Variants in PPFIA2 observed in about 807,000 individuals in gnomAD.
PPFIA2 encodes the protein liprin-alpha-2.
In PPFIA2, 46 loss-of-function variants were observed where a neutral mutation model predicts 175.5. The observed-to-expected ratio is 0.26, with a 90% confidence interval of 0.21 to 0.34. The LOEUF is 0.34. PPFIA2 is among the 10% of genes least tolerant of loss of function. The probability of loss-of-function intolerance (pLI) is 1.00; values close to 1 mark genes in which losing one functional copy is unlikely to be tolerated. For synonymous variants in PPFIA2, 568 were observed against 511.4 expected, an observed-to-expected ratio of 1.11 and a Z score of -1.49; for missense variants, 1,179 against 1,506.1, an observed-to-expected ratio of 0.78 and a Z score of 3.60.
chr12:81,629,623 A>G (rs1461555009), intron 4 of PPFIA2, among the ~76,000 whole-genome samples: 1 of 152,226 alleles, frequency 6.6e-6, no homozygotes, highest in Non-Finnish European at 1.5e-5. Context: ...TGAAACGCTT[A>G]GGAGTAACCT....
chr12:81,313,202 T>C (rs2051387506), intron 22 of PPFIA2, among the ~76,000 whole-genome samples: 1 of 152,094 alleles, frequency 6.6e-6, no homozygotes, highest in Non-Finnish European at 1.5e-5. Context: ...AGAGTATTGT[T>C]TTAAAAATAT....
intron 3 of PPFIA2, among the ~76,000 whole-genome samples, chr12:81,701,997 G>A (rs962466747): frequency 1.3e-5 from 2 of 151,320 alleles, no homozygotes; most frequent in Non-Finnish European, 2.9e-5. Context: ...GAAAGAGAAA[G>A]AGAAACAACA....
intron 4 of PPFIA2, among the ~76,000 whole-genome samples, chr12:81,558,255 T>C (rs1466176587): frequency 1.3e-5 from 2 of 152,148 alleles, no homozygotes; most frequent in African/African-American, 2.4e-5. Flanking sequence ...TTGAAATATA[T>C]AGAGAATCAT....
chr12:81,564,884 T>C (rs998182129), intron 4 of PPFIA2, among the ~76,000 whole-genome samples: 2 of 151,534 alleles, frequency 1.3e-5, no homozygotes, highest in Non-Finnish European at 2.9e-5. Context: ...AGAGAAAGAG[T>C]TGAAATTGTG....
chr12:81,267,023 G>A lies in PPFIA2; in HGVS notation c.3487-3C>T. 1 of 1,610,382 alleles carries A rather than the reference G, an allele frequency of 6.2e-7. No individual in the cohort carries two copies. The highest frequency in any genetic ancestry group is 8.5e-7 in the Non-Finnish European group (1 of 1,177,378). On this transcript the variant is annotated splice_region_variant and splice_polypyrimidine_tract_variant and intron_variant, in intron 29 of 32. Coordinates refer to ENST00000549396, the MANE Select transcript of PPFIA2 (RefSeq NM_003625.5). ...TCTCTTTCAAGAATCTGCCTTGCCTGTTGACGTCAAATTACAGTTACCATC... is the reference window on the plus strand; with the variant it reads ...TCTCTTTCAAGAATCTGCCTTGCCTATTGACGTCAAATTACAGTTACCATC...
At chr12:81,563,116 T>A (rs1161767631) in intron 4 of PPFIA2, among the ~76,000 whole-genome samples, 1 of 152,084 alleles carries the variant, frequency 6.6e-6, no homozygotes, top group Non-Finnish European at 1.5e-5. Flanking sequence ...TTCTTGTTTT[T>A]AAATTATCTT....
At chr12:81,409,364 T>A (rs2142997635) in intron 7 of PPFIA2, among the ~76,000 whole-genome samples, 1 of 152,280 alleles carries the variant, frequency 6.6e-6, no homozygotes, top group East Asian at 1.9e-4. Context: ...TTTGTAATGG[T>A]ATTAAGAGGT....
intron 7 of PPFIA2, among the ~76,000 whole-genome samples, chr12:81,413,919 T>C (rs2044463301): frequency 6.6e-6 from 1 of 151,802 alleles, no homozygotes; most frequent in Non-Finnish European, 1.5e-5. Flanking sequence ...GTTGAGAAAT[T>C]AAATTTCTAA....
intron 4 of PPFIA2, among the ~76,000 whole-genome samples, chr12:81,611,292 T>G (rs1018063686): frequency 2.0e-5 from 3 of 152,120 alleles, no homozygotes; most frequent in Non-Finnish European, 4.4e-5. Context: ...GGAGGCATAC[T>G]CCACTCCTAC....
At chr12:81,480,533 C>T (rs1423925217) in intron 4 of PPFIA2, among the ~76,000 whole-genome samples, 1 of 152,174 alleles carries the variant, frequency 6.6e-6, no homozygotes, top group Non-Finnish European at 1.5e-5. Flanking sequence ...CTTTTTTCCT[C>T]ATCTTCGTGG....
At chr12:81,709,449 G>A (rs1025955210) in intron 3 of PPFIA2, among the ~76,000 whole-genome samples, 2 of 151,774 alleles carry the variant, frequency 1.3e-5, no homozygotes, top group African/African-American at 4.8e-5. Context: ...CCATTATTTA[G>A]ATAATAACTG....
chr12:81,477,806 A>G (rs774060808), intron 4 of PPFIA2, among the ~76,000 whole-genome samples: 19 of 152,052 alleles, frequency 1.2e-4, no homozygotes, highest in Non-Finnish European at 2.5e-4. Context: ...TCAGTTTGCC[A>G]GTATTTTATT....
intron 28 of PPFIA2, among the ~76,000 whole-genome samples, chr12:81,276,157 A>G (rs980576088): frequency 2.6e-5 from 4 of 152,200 alleles, no homozygotes; most frequent in Non-Finnish European, 5.9e-5. Context: ...TCTTAAGTGA[A>G]ACAATTCAGA....
intron 22 of PPFIA2, among the ~76,000 whole-genome samples, chr12:81,315,723 T>C (rs1482031401): frequency 6.6e-6 from 1 of 151,616 alleles, no homozygotes; most frequent in East Asian, 1.9e-4. Flanking sequence ...GGGTGATCTA[T>C]GTGGATATCA....
chr12:81,397,746 C>A (rs971295817), intron 8 of PPFIA2, among the ~76,000 whole-genome samples: 10 of 152,038 alleles, frequency 6.6e-5, no homozygotes, highest in Non-Finnish European at 1.2e-4. Context: ...TGGGACCAGA[C>A]TTCTCAGTAG....
chr12:81,634,379 G>A (rs2063748742), intron 4 of PPFIA2, among the ~76,000 whole-genome samples: 1 of 151,978 alleles, frequency 6.6e-6, no homozygotes, highest in Admixed American at 6.5e-5. Context: ...GAAAAAAAAT[G>A]TTTGAGCTGT....
At chr12:81,436,592 A>G (rs1256633424) in intron 7 of PPFIA2, among the ~76,000 whole-genome samples, 4 of 152,128 alleles carry the variant, frequency 2.6e-5, no homozygotes, top group Non-Finnish European at 5.9e-5. Flanking sequence ...TCTTCTTATC[A>G]TCAATACATG....
At chr12:81,483,257 G>A (rs187773490) in intron 4 of PPFIA2, among the ~76,000 whole-genome samples, 15 of 152,152 alleles carry the variant, frequency 9.9e-5, no homozygotes, top group East Asian at 7.7e-4. Flanking sequence ...TTTTATATGC[G>A]TGTTCATAGT....
At chr12:81,572,295 C>T (rs1035405244) in intron 4 of PPFIA2, among the ~76,000 whole-genome samples, 3 of 151,978 alleles carry the variant, frequency 2.0e-5, no homozygotes, top group African/African-American at 7.2e-5. Flanking sequence ...GTAAGCCTTC[C>T]TTGGACCACC....
Sources: allele counts gnomAD v4.1 joint callset (sites outside exome capture counted in the v4.1 genomes callset), GRCh38; gene constraint gnomAD v4.1.1; transcripts MANE v1.5; gene names NCBI Gene and HGNC (gene_info 2026-07-23, HGNC 2026-07-21).